BMS1: variants seen among roughly 807,000 people sequenced by gnomAD.
BMS1 encodes the protein ribosome biogenesis protein BMS1 homolog.
A neutral mutation model predicts 138.7 loss-of-function variants in BMS1; 53 were observed. The observed-to-expected ratio is 0.38, with a 90% CI of 0.31 to 0.48. The LOEUF (loss-of-function observed/expected upper bound fraction) is 0.48, where lower values mean the gene tolerates loss of function less well. Among genes scored for constraint, BMS1 ranks in the 20% least tolerant of loss-of-function variants. The probability of loss-of-function intolerance (pLI) is 0.97; values close to 1 mark genes in which losing one functional copy is unlikely to be tolerated. For missense variants in BMS1, 1,360 were observed against 1,565.5 expected (o/e 0.87, Z 2.22); for synonymous variants, 504 against 539.9 (o/e 0.93, Z 0.92).
intron 13 of BMS1, among the ~76,000 whole-genome samples, chr10:42,811,749 C>T (rs1459589133): frequency 6.6e-6 from 1 of 151,442 alleles, no homozygotes. Context: ...TGGTCTCGAT[C>T]TCCTGACCTC....
chr10:42,800,525 A>ATT lies in BMS1; in HGVS notation c.2248-1594_2248-1593dup, dbSNP rs71533043. Among the ~76,000 whole-genome samples the ATT allele has an allele frequency of 5.7e-3, 750 of 131,320 alleles. 11 individuals are homozygous for ATT. Among genetic ancestry groups the ATT allele is most frequent in the African/African-American group, 0.019 (667 of 35,390 alleles). The allele number at this position is 131,320 out of a possible 152,430, so 86.2% of individuals were successfully genotyped here. On this transcript the variant is annotated intron_variant, in intron 12 of 22. Coordinates refer to ENST00000374518, the MANE Select transcript of BMS1 (RefSeq NM_014753.4). ...GCCATATATATAGGGTAAATGCTTG[A>ATT]TTTTTTTTTTTTTTTTTTTGAGATG...
rs182493926 is a variant in BMS1 at position 42,834,747 on chromosome 10, G to T, written c.*3651G>T. On this transcript the variant is annotated 3_prime_UTR_variant, in exon 23 of 23. Transcript: ENST00000374518. Reference sequence around the variant, plus strand: ...TAAGTCTTTTCTTAAGCAAAGTTTGGACACTCTAAAATAAGGTTGCCAACT... The same window carrying T: ...TAAGTCTTTTCTTAAGCAAAGTTTGTACACTCTAAAATAAGGTTGCCAACT... The T allele has an allele frequency of 1.2e-4, 18 of 152,118 alleles. No individual in the cohort carries two copies. The highest frequency in any genetic ancestry group is 2.4e-4 in the Non-Finnish European group (16 of 68,006). The allele number at this position is 152,118 out of a possible 1,614,324, so 9.4% of individuals were successfully genotyped here.
chr10:42,811,862 TC>T, intron 13 of BMS1, among the ~76,000 whole-genome samples: 1 of 152,198 alleles, frequency 6.6e-6, no homozygotes, highest in Non-Finnish European at 1.5e-5. Context: ...CTTTGGGACT[TC>T]TTTTTGGCCC....
At chr10:42,785,382 A>AT (rs1055812877) in intron 2 of BMS1, 100 bp from the exon 3 acceptor site, 6 of 1,010,280 alleles carry the variant, frequency 5.9e-6, no homozygotes, top group Middle Eastern at 3.3e-4. Context: ...ACTCATAGCT[A>AT]TAAGTGTACC....
At chr10:42,809,993 G>C (rs190296032) in intron 13 of BMS1, among the ~76,000 whole-genome samples, 62 of 124,878 alleles carry the variant, frequency 5.0e-4, no homozygotes, top group Admixed American at 4.2e-3. Context: ...AGGTCTTACT[G>C]TGTTGCCCAG....
At chr10:42,800,134 A>G (rs1301306935) in intron 12 of BMS1, among the ~76,000 whole-genome samples, 3 of 152,238 alleles carry the variant, frequency 2.0e-5, no homozygotes, top group Non-Finnish European at 2.9e-5. Context: ...AATGTGGCTA[A>G]TGAGACTGGA....
chr10:42,791,068 C>T (rs998938011), intron 5 of BMS1, among the ~76,000 whole-genome samples: 72 of 151,764 alleles, frequency 4.7e-4, no homozygotes, highest in African/African-American at 1.7e-3. Context: ...TGCTGAATTC[C>T]TTTGTGTGTG....
chr10:42,834,583 A>G lies in BMS1; in HGVS notation c.*3487A>G, dbSNP rs1369259094. ...GTATTGTACATTTTTATAATCCTTT[A>G]ACAAGACAAAAGGTTGAGATGTTGG... On this transcript the variant is annotated 3_prime_UTR_variant, in exon 23 of 23. Coordinates refer to ENST00000374518, the MANE Select transcript of BMS1 (RefSeq NM_014753.4). 1 of 152,180 alleles carries G rather than the reference A, an allele frequency of 6.6e-6. No individual in the cohort carries two copies. The highest frequency in any genetic ancestry group is 1.5e-5 in the Non-Finnish European group (1 of 68,048). The allele number at this position is 152,180 out of a possible 1,614,324, so 9.4% of individuals were successfully genotyped here.
chr10:42,801,527 A>T (rs1841876152), intron 12 of BMS1, among the ~76,000 whole-genome samples: 1 of 152,088 alleles, frequency 6.6e-6, no homozygotes, highest in Non-Finnish European at 1.5e-5. Flanking sequence ...TGTCTTTGTG[A>T]TTATAGCCAT....
chr10:42,795,647 G>A (rs7898266), intron 9 of BMS1, among the ~76,000 whole-genome samples: 4,238 of 151,866 alleles, frequency 0.028, 192 homozygotes, highest in African/African-American at 0.097. Flanking sequence ...TAACTTACCC[G>A]TCTCTTATGG....
At chr10:42,810,859 G>C (rs1237779431) in intron 13 of BMS1, among the ~76,000 whole-genome samples, 1 of 152,268 alleles carries the variant, frequency 6.6e-6, no homozygotes, top group South Asian at 2.1e-4. Context: ...TTTAACGGCT[G>C]CAGGAGCCTT....
Position 42,820,926 on chromosome 10 carries a change from C to G in BMS1, c.2951-8C>G. 1 of 1,603,300 alleles carries G rather than the reference C, an allele frequency of 6.2e-7. No homozygotes were observed. The highest frequency in any genetic ancestry group is 2.2e-5 in the East Asian group (1 of 44,834). On this transcript the variant is annotated splice_polypyrimidine_tract_variant and splice_region_variant and intron_variant, in intron 17 of 22. Coordinates refer to ENST00000374518, the MANE Select transcript of BMS1 (RefSeq NM_014753.4). ...TCGCTATATTTCTTTTTTTCCTTTTCCTTTAAGGCCCTATCACTCCACAGG... is the reference window on the plus strand; with the variant it reads ...TCGCTATATTTCTTTTTTTCCTTTTGCTTTAAGGCCCTATCACTCCACAGG...
rs749159590 is a variant in BMS1 at position 42,823,834 on chromosome 10, A to G, written c.3456+50A>G. ...GAGATGAAGCCTGTGCTCTACAGACAGGGAGTCACACAGACACTTTTCTAT... is the reference window on the plus strand; with the variant it reads ...GAGATGAAGCCTGTGCTCTACAGACGGGGAGTCACACAGACACTTTTCTAT... On this transcript the variant is annotated intron_variant, in intron 21 of 22. Coordinates refer to ENST00000374518, the MANE Select transcript of BMS1 (RefSeq NM_014753.4). The G allele has an allele frequency of 1.8e-5, 25 of 1,371,762 alleles. No individual in the cohort carries two copies. In the East Asian group the frequency reaches 6.0e-4, roughly 33 times the overall value. 85.0% of individuals were successfully genotyped at this position (1,371,762 alleles called of 1,614,324 possible). A position where few individuals can be genotyped will look rare whatever the true frequency, so the allele number is the denominator to read the frequency against.
Position 42,797,445 on chromosome 10 carries a change from C to T in BMS1, c.2011C>T (p.Leu671Phe). Residue 671 changes from leucine (L) to phenylalanine (F), a missense_variant, in exon 11 of 23, where the codon CTT (leucine) becomes TTT (phenylalanine). Leu to Phe is a conservative substitution (Grantham distance 22). Coordinates refer to ENST00000374518, the MANE Select transcript of BMS1 (RefSeq NM_014753.4). ...TSGALKWKED[L>F]SRKAAEAFLR... ...AGGTGCCCTCAAGTGGAAGGAAGACCTTTCCAGAAAGGCAGCTGAGGCCTT... is the reference window on the plus strand; with the variant it reads ...AGGTGCCCTCAAGTGGAAGGAAGACTTTTCCAGAAAGGCAGCTGAGGCCTT... 1.2e-6 allele frequency: 2 copies of T among 1,614,194 alleles called. No homozygotes were observed. Among genetic ancestry groups the T allele is most frequent in the African/African-American group, 1.3e-5 (1 of 75,036 alleles).
At chr10:42,798,355 C>G in intron 11 of BMS1, 113 bp from the exon 12 acceptor site, 1 of 1,330,904 alleles carries the variant, frequency 7.5e-7, no homozygotes, top group South Asian at 1.4e-5. Context: ...CCACCACAGA[C>G]AGAGTCCCTC....
rs151134499 is a variant in BMS1 at position 42,796,798 on chromosome 10, G to T, written c.1554G>T (p.Ala518=). Residue 518 remains alanine (A), a synonymous_variant, in exon 10 of 23, where the codon GCG becomes GCT. Transcript: ENST00000374518. ...LERSSAEEGE[A]EEADESSEEE... The stretch of plus-strand genomic sequence containing the variant: ...GGAGCTCAGCGGAAGAAGGGGAAGC[G>T]GAGGAAGCTGATGAAAGCAGTGAAG... The T allele has an allele frequency of 2.5e-6, 4 of 1,614,176 alleles. No homozygotes were observed. Among genetic ancestry groups the T allele is most frequent in the Middle Eastern group, 1.7e-4 (1 of 6,060 alleles).
chr10:42,827,986 A>C (rs984852828), intron 21 of BMS1, among the ~76,000 whole-genome samples: 2 of 152,208 alleles, frequency 1.3e-5, no homozygotes, highest in African/African-American at 4.8e-5. Context: ...TGAAAGTTTT[A>C]ATGTTTTAAT....
chr10:42,828,628 T>C (rs910207822), intron 21 of BMS1, among the ~76,000 whole-genome samples: 4 of 151,952 alleles, frequency 2.6e-5, no homozygotes, highest in African/African-American at 9.7e-5. Flanking sequence ...TTTTTTTTTA[T>C]TTTAGGTTTT....
chr10:42,809,156 T>C (rs140996427), intron 13 of BMS1, among the ~76,000 whole-genome samples: 68 of 152,324 alleles, frequency 4.5e-4, no homozygotes, highest in African/African-American at 1.6e-3. Context: ...TTTATTTTAG[T>C]TTTTATTTCT....
Sources: gnomAD v4.1 joint callset for allele counts (sites outside exome capture counted in the v4.1 genomes callset) on GRCh38, gnomAD v4.1.1 for gene constraint, MANE v1.5 for transcripts, NCBI Gene and HGNC (gene_info 2026-07-23, HGNC 2026-07-21) for gene names.